CSMD1: variants seen among roughly 807,000 people sequenced by gnomAD.
CSMD1 encodes the protein CUB and sushi domain-containing protein 1.
In CSMD1, 213 loss-of-function variants were observed where a neutral mutation model predicts 417.5. That is an observed-to-expected ratio of 0.51 (90% CI 0.46 to 0.57). The LOEUF is 0.57. Ranked by LOEUF, CSMD1 falls within the 20% of genes least tolerant of loss-of-function variation. The pLI is 0.00. For missense variants in CSMD1, 6,923 were observed against 4,529.7 expected (o/e 1.53, Z -15.17); for synonymous variants, 2,862 against 1,736.8 (o/e 1.65, Z -16.11).
intron 7 of CSMD1, among the ~76,000 whole-genome samples, chr8:3,693,869 T>C (rs907688819): frequency 2.0e-5 from 3 of 151,352 alleles, no homozygotes; most frequent in Non-Finnish European, 2.9e-5. Context: ...GCTGTATGTG[T>C]GTTTCGTGTA....
chr8:3,131,471 ATT>A (rs36009515), intron 41 of CSMD1, among the ~76,000 whole-genome samples: 22 of 142,172 alleles, frequency 1.5e-4, no homozygotes, highest in South Asian at 2.2e-4. Flanking sequence ...GCTAATACTA[ATT>A]TTTTTTTTTT....
At chr8:4,030,046 G>A (rs1413364343) in intron 4 of CSMD1, among the ~76,000 whole-genome samples, 1 of 152,176 alleles carries the variant, frequency 6.6e-6, no homozygotes, top group Non-Finnish European at 1.5e-5. Flanking sequence ...TTGGGCAGGT[G>A]TACCCCTGTG....
chr8:3,389,746 G>A (rs7014975), intron 17 of CSMD1, among the ~76,000 whole-genome samples: 71,268 of 151,432 alleles, frequency 0.47, 17,122 homozygotes, highest in African/African-American at 0.56. Context: ...ACAAACTGCG[G>A]TAGAAATAAA....
At chr8:3,271,012 T>G (rs1801809987) in intron 26 of CSMD1, among the ~76,000 whole-genome samples, 1 of 152,006 alleles carries the variant, frequency 6.6e-6, no homozygotes, top group African/African-American at 2.4e-5. Context: ...TGTGCCATGC[T>G]GGTGCGCTGC....
At position 4,697,247 on chromosome 8, in the gene CSMD1, T is replaced by C. The variant is rs368212541; in HGVS notation, c.86-59689A>G. On this transcript the variant is annotated intron_variant, in intron 1 of 69. Transcript: ENST00000635120. ...TTTTGATTCTAGAACAGAACCTTGCTGTAAAGGCCCTTAGAACATATAGCA... is the reference window on the plus strand; with the variant it reads ...TTTTGATTCTAGAACAGAACCTTGCCGTAAAGGCCCTTAGAACATATAGCA... Among the ~76,000 whole-genome samples, 7 of 152,282 alleles carry C rather than the reference T, an allele frequency of 4.6e-5. No homozygotes were observed. In the East Asian group the frequency reaches 7.7e-4, roughly 17 times the overall value.
intron 16 of CSMD1, among the ~76,000 whole-genome samples, chr8:3,396,697 A>G (rs1585102844): frequency 6.6e-6 from 1 of 152,274 alleles, no homozygotes; most frequent in African/African-American, 2.4e-5. Flanking sequence ...AGATTGATAG[A>G]TAGATAGATA....
intron 3 of CSMD1, among the ~76,000 whole-genome samples, chr8:4,041,026 T>TA (rs1206749108): frequency 6.9e-5 from 10 of 144,266 alleles, no homozygotes; most frequent in South Asian, 2.3e-4. Flanking sequence ...CCTTTTTTTT[T>TA]TTTTTTTTGA....
chr8:4,368,130 G>A (rs931228993), intron 3 of CSMD1, among the ~76,000 whole-genome samples: 2 of 151,940 alleles, frequency 1.3e-5, no homozygotes, highest in African/African-American at 4.8e-5. Context: ...CATTCAGTAT[G>A]GTGTTCATAG....
chr8:2,957,915 C>T (rs1803134254), intron 62 of CSMD1, 108 bp from the exon 63 acceptor site: 1 of 720,886 alleles, frequency 1.4e-6, no homozygotes. Flanking sequence ...AGCAACTTTT[C>T]AGGTTAATGT....
At chr8:4,520,816 T>C (rs1434446016) in intron 2 of CSMD1, among the ~76,000 whole-genome samples, 1 of 152,228 alleles carries the variant, frequency 6.6e-6, no homozygotes, top group African/African-American at 2.4e-5. Context: ...TGGAGTGCCC[T>C]GTAAGTATAA....
At chr8:4,155,134 A>G (rs1305167631) in intron 3 of CSMD1, among the ~76,000 whole-genome samples, 1 of 152,176 alleles carries the variant, frequency 6.6e-6, no homozygotes, top group African/African-American at 2.4e-5. Context: ...TATTGTTCCC[A>G]TGCTACAGAT....
At chr8:3,634,561 T>C (rs987433840) in intron 7 of CSMD1, among the ~76,000 whole-genome samples, 19 of 152,264 alleles carry the variant, frequency 1.2e-4, no homozygotes, top group Non-Finnish European at 1.5e-4. Flanking sequence ...ACTGTCTCTT[T>C]TCACTGTCAC....
chr8:4,400,787 A>G (rs1804593074), intron 3 of CSMD1, among the ~76,000 whole-genome samples: 1 of 151,306 alleles, frequency 6.6e-6, no homozygotes, highest in Admixed American at 6.6e-5. Context: ...CCTTTTTAAA[A>G]AACTATTGAT....
intron 49 of CSMD1, among the ~76,000 whole-genome samples, chr8:3,081,467 CTTT>C (rs1165400320): frequency 6.6e-6 from 1 of 151,990 alleles, no homozygotes. Flanking sequence ...AATTATTTTT[CTTT>C]TTTTACAGTT....
intron 1 of CSMD1, chr8:4,788,577 G>A (rs1256617086): frequency 4.6e-6 from 6 of 1,308,190 alleles, no homozygotes; most frequent in Admixed American, 4.5e-5. Context: ...ATCAGAGAAT[G>A]TAATTTATAA....
chr8:4,045,066 G>A lies in CSMD1; in HGVS notation c.416-12967C>T, dbSNP rs570272758. Among the ~76,000 whole-genome samples, 31 of 152,292 alleles carry A rather than the reference G, an allele frequency of 2.0e-4. 1 individual carries two copies. Among genetic ancestry groups the A allele is most frequent in the Admixed American group, 1.2e-3 (18 of 15,294 alleles). Reference sequence around the variant, plus strand: ...TGATTTACAGGAAAGCCTTGTGCCTGAGGTATGGTGTGGAGGCCACAGACG... The same window carrying A: ...TGATTTACAGGAAAGCCTTGTGCCTAAGGTATGGTGTGGAGGCCACAGACG... On this transcript the variant is annotated intron_variant, in intron 3 of 69. Transcript: ENST00000635120.
intron 1 of CSMD1, among the ~76,000 whole-genome samples, chr8:4,664,815 ATCT>A (rs1182695583): frequency 2.0e-5 from 3 of 152,102 alleles, no homozygotes; most frequent in Non-Finnish European, 2.9e-5. Flanking sequence ...GTGAGGGAAA[ATCT>A]TCTTTGTATG....
intron 10 of CSMD1, among the ~76,000 whole-genome samples, chr8:3,512,233 G>T (rs543494204): frequency 6.6e-6 from 1 of 152,182 alleles, no homozygotes; most frequent in South Asian, 2.1e-4. Context: ...GCGGGTCCAC[G>T]TGCAGAACCA....
intron 1 of CSMD1, among the ~76,000 whole-genome samples, chr8:4,699,745 G>A (rs1158490399): frequency 6.6e-6 from 1 of 152,194 alleles, no homozygotes; most frequent in East Asian, 1.9e-4. Context: ...GTGATTCATG[G>A]AAAGCAGTGT....
Sources: allele counts gnomAD v4.1 joint callset (sites outside exome capture counted in the v4.1 genomes callset), GRCh38; gene constraint gnomAD v4.1.1; transcripts MANE v1.5; gene names NCBI Gene and HGNC (gene_info 2026-07-23, HGNC 2026-07-21).